PKD1L1: variants seen among roughly 807,000 people sequenced by gnomAD.
PKD1L1 encodes the protein polycystin-1-like protein 1.
A neutral mutation model predicts 323.4 loss-of-function variants in PKD1L1; 236 were observed. The observed-to-expected ratio is 0.73, with a 90% CI of 0.66 to 0.81. The LOEUF (loss-of-function observed/expected upper bound fraction) is 0.81, where lower values mean the gene tolerates loss of function less well. Among genes scored for constraint, PKD1L1 ranks in the 40% least tolerant of loss-of-function variants. PKD1L1 has a pLI of 0.00. For synonymous variants in PKD1L1, 1,344 were observed against 1,335.0 expected (o/e 1.01, Z -0.15); for missense variants, 3,320 against 3,508.0 (o/e 0.95, Z 1.35).
At chr7:47,922,085 G>A (rs1583675586) in intron 7 of PKD1L1, among the ~76,000 whole-genome samples, 1 of 152,178 alleles carries the variant, frequency 6.6e-6, no homozygotes, top group Non-Finnish European at 1.5e-5. Flanking sequence ...ACTGGTTTTC[G>A]TATTTTTTGG....
rs749135355 is a variant in PKD1L1 at position 47,932,043 on chromosome 7, G to T, written c.412C>A (p.Pro138Thr). The change falls in exon 5 of 57, where the codon CCT becomes ACT. Residue 138 changes from proline (P) to threonine (T), a missense_variant. Coordinates refer to ENST00000289672, the MANE Select transcript of PKD1L1 (RefSeq NM_138295.5). Reference sequence around the variant, plus strand: ...CAGGCCCTTGCGATTATAATGAAAGGTTTGTGGGGAATTCTGTATGGGAAG... The same window carrying T: ...CAGGCCCTTGCGATTATAATGAAAGTTTTGTGGGGAATTCTGTATGGGAAG... ...DNSADRIPHKPFIIIARAWSS... is the reference protein window; with the variant it reads ...DNSADRIPHKTFIIIARAWSS... The T allele has an allele frequency of 1.7e-5, 27 of 1,609,586 alleles. No individual in the cohort carries two copies. The highest frequency in any genetic ancestry group is 2.3e-5 in the Non-Finnish European group (27 of 1,178,144).
At chr7:47,819,198 G>T (rs1165769468) in intron 46 of PKD1L1, among the ~76,000 whole-genome samples, 2 of 152,164 alleles carry the variant, frequency 1.3e-5, no homozygotes, top group African/African-American at 2.4e-5. Context: ...TCCCTGCCTG[G>T]TGGCCAGAGC....
chr7:47,787,831 C>A (rs1464774570), intron 56 of PKD1L1, among the ~76,000 whole-genome samples: 1 of 152,086 alleles, frequency 6.6e-6, no homozygotes, highest in Admixed American at 6.5e-5. Context: ...CCCACCTCAG[C>A]CTTCCAAGTA....
intron 17 of PKD1L1, among the ~76,000 whole-genome samples, chr7:47,886,606 A>G (rs76171186): frequency 0.045 from 6,785 of 152,100 alleles, 355 homozygotes; most frequent in African/African-American, 0.13. Context: ...GTTCGTGGGA[A>G]GTCTGGTTAT....
chr7:47,781,924 T>C (rs1440016208), intron 56 of PKD1L1, among the ~76,000 whole-genome samples: 1 of 152,236 alleles, frequency 6.6e-6, no homozygotes, highest in African/African-American at 2.4e-5. Flanking sequence ...AAAATGCTAT[T>C]CTTCCTTCAA....
chr7:47,842,941 AC>A lies in PKD1L1; in HGVS notation c.5445+20del. Reference sequence around the variant, plus strand: ...CACTGCTTAGACACCATCAAAGAGTACCCCCAGATGCTCGAGCTACCTTTGA... The same window carrying A: ...CACTGCTTAGACACCATCAAAGAGTACCCCAGATGCTCGAGCTACCTTTGA... On this transcript the variant is annotated intron_variant, in intron 34 of 56. Coordinates refer to ENST00000289672, the MANE Select transcript of PKD1L1 (RefSeq NM_138295.5). The A allele has an allele frequency of 6.2e-7, 1 of 1,601,136 alleles. No homozygotes were observed. Among genetic ancestry groups the A allele is most frequent in the Non-Finnish European group, 8.5e-7 (1 of 1,172,808 alleles).
chr7:47,794,092 A>C (rs1431785627), intron 55 of PKD1L1, among the ~76,000 whole-genome samples: 1 of 152,228 alleles, frequency 6.6e-6, no homozygotes, highest in Non-Finnish European at 1.5e-5. Flanking sequence ...AAAGTTAAAG[A>C]AATTTGCAGC....
At chr7:47,837,158 C>T in intron 36 of PKD1L1, 64 bp from the exon 37 acceptor site, 2 of 1,560,010 alleles carry the variant, frequency 1.3e-6, no homozygotes, top group Admixed American at 3.4e-5. Flanking sequence ...AAGCAAAGTA[C>T]TGTTAAGCAG....
At chr7:47,902,940 TTCCTGCTCCATGGA>T (rs1489014274) in intron 12 of PKD1L1, among the ~76,000 whole-genome samples, 1 of 152,190 alleles carries the variant, frequency 6.6e-6, no homozygotes, top group East Asian at 1.9e-4. Context: ...CCTGTTCTAT[TTCCTGCTCCATGGA>T]TCAGTTTTCC....
At chr7:47,908,784 C>T (rs756162922) in intron 8 of PKD1L1, among the ~76,000 whole-genome samples, 2 of 152,010 alleles carry the variant, frequency 1.3e-5, no homozygotes, top group Non-Finnish European at 1.5e-5. Flanking sequence ...CTTCACCCCT[C>T]GAATCAGTGC....
intron 31 of PKD1L1, among the ~76,000 whole-genome samples, chr7:47,847,517 G>A (rs1229332445): frequency 6.6e-6 from 1 of 152,120 alleles, no homozygotes; most frequent in African/African-American, 2.4e-5. Flanking sequence ...TTCTGGTAAG[G>A]ACAGCACAAT....
rs527758469 is a variant in PKD1L1 at position 47,833,726 on chromosome 7, C to T, written c.6175-474G>A. ...CGCCAGAGAGTTAGAGCCTGGCAAA[C>T]AGGGCACCATGTGTGCCCTCACAGG... On this transcript the variant is annotated intron_variant, in intron 40 of 56. Transcript: ENST00000289672. Among the ~76,000 whole-genome samples, 253 of 152,312 alleles carry T rather than the reference C, an allele frequency of 1.7e-3. 1 individual carries two copies. Among genetic ancestry groups the T allele is most frequent in the African/African-American group, 5.7e-3 (239 of 41,570 alleles).
At chr7:47,919,351 CAAT>C in intron 7 of PKD1L1, among the ~76,000 whole-genome samples, 1 of 152,078 alleles carries the variant, frequency 6.6e-6, no homozygotes, top group East Asian at 1.9e-4. Context: ...ACGAACAGAC[CAAT>C]AATAAGCACT....
At position 47,893,866 on chromosome 7, in the gene PKD1L1, G is replaced by C. The variant is rs775814056; in HGVS notation, c.2453+12C>G. On this transcript the variant is annotated intron_variant, in intron 15 of 56. Coordinates refer to ENST00000289672, the MANE Select transcript of PKD1L1 (RefSeq NM_138295.5). ...GAGTAGCTGCGCAGCTCTGTGTGGG[G>C]GTGGTGCTCACCTGAGAGTCGCCCC... 6.2e-7 allele frequency: 1 copy of C among 1,611,034 alleles called. No homozygotes were observed. The highest frequency in any genetic ancestry group is 8.5e-7 in the Non-Finnish European group (1 of 1,178,944).
At position 47,908,111 on chromosome 7, in the gene PKD1L1, C is replaced by G; in HGVS notation, c.1368G>C (p.Val456=). Residue 456 remains valine (V), a synonymous_variant, in exon 9 of 57, where the codon GTG becomes GTC. Coordinates refer to ENST00000289672, the MANE Select transcript of PKD1L1 (RefSeq NM_138295.5). ...TCACTTGGGAGTCAGCAAAGACAAG[C>G]ACTTCATCTTCATGGACACTGCTGG... ...MNSSSVHEDE[V]LVFADSQVNQ... 1 of 1,614,096 alleles carries G rather than the reference C, an allele frequency of 6.2e-7. No homozygotes were observed. Among genetic ancestry groups the G allele is most frequent in the South Asian group, 1.1e-5 (1 of 91,064 alleles).
intron 52 of PKD1L1, among the ~76,000 whole-genome samples, chr7:47,804,527 C>T (rs1191008983): frequency 7.2e-6 from 1 of 138,832 alleles, no homozygotes; most frequent in Admixed American, 8.1e-5. Context: ...GCTTGAGTGG[C>T]AGGATCTCGG....
chr7:47,834,066 T>G (rs1008552311), intron 40 of PKD1L1, among the ~76,000 whole-genome samples: 2 of 152,248 alleles, frequency 1.3e-5, no homozygotes, highest in South Asian at 2.1e-4. Flanking sequence ...CTTCACTTCC[T>G]TCCTGTTTCA....
Position 47,855,875 on chromosome 7 carries a change from CAAAAAAAAAAAA to C in PKD1L1, c.4591-622_4591-611del, listed in dbSNP as rs536157879. Reference sequence around the variant, plus strand: ...TGGGCGACAGAGCGAGACTCCGTCTCAAAAAAAAAAAAAAAAAAAAAAAAAGAAAAGTATATG... The same window carrying C: ...TGGGCGACAGAGCGAGACTCCGTCTCAAAAAAAAAAAAAGAAAAGTATATG... On this transcript the variant is annotated intron_variant, in intron 28 of 56. Transcript: ENST00000289672. 1.4e-3 allele frequency among the ~76,000 whole-genome samples: 45 copies of C among 32,542 alleles called. 3 individuals carry two copies. Among genetic ancestry groups the C allele is most frequent in the African/African-American group, 0.012 (44 of 3,692 alleles). The allele number at this position is 32,542 out of a possible 152,430, so 21.3% of individuals were successfully genotyped here. A position where few individuals can be genotyped will look rare whatever the true frequency, so the allele number is the denominator to read the frequency against.
chr7:47,790,111 G>A (rs929514980), intron 56 of PKD1L1, among the ~76,000 whole-genome samples: 1 of 151,862 alleles, frequency 6.6e-6, no homozygotes, highest in African/African-American at 2.4e-5. Flanking sequence ...GGATGGTCTC[G>A]ATCTCCTGAC....
Sources: allele counts gnomAD v4.1 joint callset (sites outside exome capture counted in the v4.1 genomes callset), GRCh38; gene constraint gnomAD v4.1.1; transcripts MANE v1.5; gene names NCBI Gene and HGNC (gene_info 2026-07-23, HGNC 2026-07-21).